The following TARS3 variants were observed in gnomAD, a reference collection of about 807,000 sequenced individuals.
TARS3 encodes threonyl-tRNA synthetase 3.
In TARS3, 94 loss-of-function variants were observed where a neutral mutation model predicts 103.5. That is an observed-to-expected ratio of 0.91 (90% CI 0.77 to 1.08). TARS3 has a LOEUF of 1.08. TARS3 is among the 50% of genes least tolerant of loss of function. The pLI is 0.00. For synonymous variants in TARS3, 416 were observed against 355.4 expected (o/e 1.17, Z -1.92); for missense variants, 952 against 995.2 (o/e 0.96, Z 0.58).
chr15:101,654,634 T>A lies in TARS3; in HGVS notation c.2357A>T (p.Lys786Ile), dbSNP rs776923629. ...GEILVTSAID[K>I]LKNLRKTRTL... is the part of the protein sequence containing the mutation. ...CCGTGTCTTCCTGAGATTCTTCAGT[T>A]TATCAATGGCAGAAGTTACTAAAAT... The change falls in exon 19 of 19, where the codon AAA becomes ATA. Residue 786 changes from lysine to isoleucine, a missense_variant. Physicochemically the swap from Lys to Ile is moderately radical, Grantham distance 102. This residue lies in a region of TARS3 where 540 missense variants were observed against 631.0 expected (regional missense o/e 0.86). Coordinates refer to ENST00000335968, the MANE Select transcript of TARS3 (RefSeq NM_152334.3). The A allele has an allele frequency of 1.1e-5, 18 of 1,614,066 alleles. 1 individual carries two copies. The Admixed American group carries it at 3.0e-4, about 27-fold the overall frequency.
chr15:101,691,644 C>G (rs898378584), intron 10 of TARS3, among the ~76,000 whole-genome samples: 1 of 152,094 alleles, frequency 6.6e-6, no homozygotes, highest in Non-Finnish European at 1.5e-5. Flanking sequence ...TGTTATAGGA[C>G]ACAAATAGTA....
chr15:101,702,275 CT>C lies in TARS3; in HGVS notation c.1184del (p.Glu395GlyfsTer23). ...TCCTGTGATCTCGGTTCTTTGCTTC[CT>C]CTTGGAACTTTTCCCAGTCTCTCAT... ...KMMRDWEKFQ[E>X]EAKNRDHRKI... On this transcript the variant is annotated frameshift_variant, in exon 9 of 19. Coordinates refer to ENST00000335968, the MANE Select transcript of TARS3 (RefSeq NM_152334.3). LOFTEE classifies it high-confidence loss of function. 6.2e-7 allele frequency: 1 copy of C among 1,614,090 alleles called. No homozygotes were observed. Among genetic ancestry groups the C allele is most frequent in the Non-Finnish European group, 8.5e-7 (1 of 1,180,014 alleles).
chr15:101,654,938 C>G (rs1346779147), intron 18 of TARS3, among the ~76,000 whole-genome samples: 1 of 152,242 alleles, frequency 6.6e-6, no homozygotes, highest in African/African-American at 2.4e-5. Context: ...CCTGAGAGAA[C>G]AGCTCTTGTG....
rs1419752866 is a variant in TARS3 at position 101,654,221 on chromosome 15, C to T, written c.*361G>A. On this transcript the variant is annotated 3_prime_UTR_variant, in exon 19 of 19. Transcript: ENST00000335968. ...CATATTAGAAAATAAGATTTTCCCT[C>T]CTATTTAAAAAAAACTCTGCAGACT... is the stretch of plus-strand genomic sequence containing the variant. The T allele has an allele frequency of 5.8e-6, 1 of 173,794 alleles. No homozygotes were observed. Among genetic ancestry groups the T allele is most frequent in the African/African-American group, 2.4e-5 (1 of 41,044 alleles). 10.8% of individuals were successfully genotyped at this position (173,794 alleles called of 1,614,324 possible).
chr15:101,701,002 C>T (rs182775407), intron 10 of TARS3, 84 bp downstream of exon 10: 21 of 899,486 alleles, frequency 2.3e-5, no homozygotes, highest in South Asian at 1.6e-4. Flanking sequence ...TTAATGGAAA[C>T]GCTTGACCAC....
At position 101,653,857 on chromosome 15, in the gene TARS3, T is replaced by A. The variant is rs1405752089; in HGVS notation, c.*725A>T. On this transcript the variant is annotated 3_prime_UTR_variant, in exon 19 of 19. Transcript: ENST00000335968. ...TTTCAGTACATAAATCCATGGAATG[T>A]CATCCCATCAAAAAAGTAACAACTC... 6.6e-6 allele frequency: 1 copy of A among 152,224 alleles called. No individual in the cohort carries two copies. Among genetic ancestry groups the A allele is most frequent in the Non-Finnish European group, 1.5e-5 (1 of 68,046 alleles). 9.4% of individuals were successfully genotyped at this position (152,224 alleles called of 1,614,324 possible).
intron 9 of TARS3, among the ~76,000 whole-genome samples, chr15:101,701,626 G>A (rs899191945): frequency 1.2e-4 from 19 of 152,190 alleles, no homozygotes; most frequent in Non-Finnish European, 7.3e-5. Flanking sequence ...ACAAGGACAC[G>A]GAGCTTGCCC....
At chr15:101,683,522 T>G (rs1245536615) in intron 12 of TARS3, among the ~76,000 whole-genome samples, 2 of 152,230 alleles carry the variant, frequency 1.3e-5, no homozygotes, top group Non-Finnish European at 2.9e-5. Flanking sequence ...CTGAGCTTTT[T>G]GTAGTTCATA....
rs538014390 is a variant in TARS3 at position 101,723,825 on chromosome 15, A to G, written c.297+266T>C. ...AACAAATGAAAACACTATTTCTGCT[A>G]CTGAAAAAGATGCGTGGCAGGCTCT... is the stretch of plus-strand genomic sequence containing the variant. On this transcript the variant is annotated intron_variant, in intron 1 of 18. Coordinates refer to ENST00000335968, the MANE Select transcript of TARS3 (RefSeq NM_152334.3). 2.6e-5 allele frequency among the ~76,000 whole-genome samples: 4 copies of G among 152,378 alleles called. No homozygotes were observed. In the East Asian group the frequency reaches 7.7e-4, roughly 29 times the overall value.
chr15:101,724,158 T>G lies in TARS3; in HGVS notation c.230A>C (p.Glu77Ala). 1 of 1,476,094 alleles carries G rather than the reference T, an allele frequency of 6.8e-7. No homozygotes were observed. The highest frequency in any genetic ancestry group is 9.0e-7 in the Non-Finnish European group (1 of 1,114,970). The allele number at this position is 1,476,094 out of a possible 1,614,324, so 91.4% of individuals were successfully genotyped here. The change falls in exon 1 of 19, where the codon GAG becomes GCG. Residue 77 changes from glutamate to alanine, a missense_variant. Glu to Ala is a moderately radical substitution (Grantham distance 107). Transcript: ENST00000335968. ...RLCSLRLCLAEERSRQATLES... is the reference protein window; with the variant it reads ...RLCSLRLCLAAERSRQATLES... ...CAGCGTGGCCTGGCGGCTCCGCTCCTCGGCGAGGCACAGCCGCAGGCTGCA... is the reference window on the plus strand; with the variant it reads ...CAGCGTGGCCTGGCGGCTCCGCTCCGCGGCGAGGCACAGCCGCAGGCTGCA...
Position 101,701,223 on chromosome 15 carries a change from C to G in TARS3, c.1222-39G>C, listed in dbSNP as rs768668572. The G allele has an allele frequency of 1.1e-5, 14 of 1,293,644 alleles. No individual in the cohort carries two copies. The East Asian group carries it at 3.0e-4, about 28-fold the overall frequency. 80.1% of individuals were successfully genotyped at this position (1,293,644 alleles called of 1,614,324 possible). ...AAAATTGCATTTCAAATGTCATCTG[C>G]TATTGCTTAATATTTACTGCACACA... On this transcript the variant is annotated intron_variant, in intron 9 of 18. Coordinates refer to ENST00000335968, the MANE Select transcript of TARS3 (RefSeq NM_152334.3).
chr15:101,707,576 T>A (rs1366240502), intron 6 of TARS3, among the ~76,000 whole-genome samples: 1 of 152,140 alleles, frequency 6.6e-6, no homozygotes, highest in African/African-American at 2.4e-5. Flanking sequence ...GACTTTTTGC[T>A]GAGTGAAACA....
At chr15:101,666,730 T>G (rs1159248614) in intron 15 of TARS3, among the ~76,000 whole-genome samples, 1 of 152,174 alleles carries the variant, frequency 6.6e-6, no homozygotes, top group African/African-American at 2.4e-5. Context: ...ATAAACTGTT[T>G]ATTCTCTTAT....
rs1462494611 is a variant in TARS3, at chr15:101,657,699, T to C, written c.2145+86A>G. On this transcript the variant is annotated intron_variant, in intron 17 of 18. Coordinates refer to ENST00000335968, the MANE Select transcript of TARS3 (RefSeq NM_152334.3). ...AGCTAATGTGTCAGTTCTGCAATAT[T>C]TTAAAGCATGAAGGACACTCCAAAT... The C allele has an allele frequency of 4.5e-6, 4 of 884,970 alleles. No homozygotes were observed. The African/African-American group carries it at 6.9e-5, about 15-fold the overall frequency. The allele number at this position is 884,970 out of a possible 1,614,324, so 54.8% of individuals were successfully genotyped here. A position where few individuals can be genotyped will look rare whatever the true frequency, so the allele number is the denominator to read the frequency against.
intron 2 of TARS3, 134 bp downstream of exon 2, chr15:101,722,959 G>A (rs1900563443): frequency 1.2e-6 from 1 of 826,586 alleles, no homozygotes; most frequent in Non-Finnish European, 1.9e-6. Context: ...GGCTTGAAAA[G>A]TTTTAAATAC....
chr15:101,713,379 T>C (rs1899960072), intron 4 of TARS3, among the ~76,000 whole-genome samples: 1 of 152,160 alleles, frequency 6.6e-6, no homozygotes, highest in Non-Finnish European at 1.5e-5. Flanking sequence ...CCAAATGCAA[T>C]GGGATGCATT....
chr15:101,669,873 C>A (rs1006814048), intron 15 of TARS3, among the ~76,000 whole-genome samples: 1 of 152,122 alleles, frequency 6.6e-6, no homozygotes, highest in African/African-American at 2.4e-5. Context: ...AGAAACAGAC[C>A]CACATATATA....
chr15:101,714,430 C>A (rs1455623160), intron 4 of TARS3, among the ~76,000 whole-genome samples: 2 of 151,416 alleles, frequency 1.3e-5, no homozygotes, highest in Non-Finnish European at 2.9e-5. Context: ...ATAGCAAAAC[C>A]CTGTCTCTAC....
chr15:101,667,822 G>A (rs1596287774), intron 15 of TARS3, among the ~76,000 whole-genome samples: 1 of 152,120 alleles, frequency 6.6e-6, no homozygotes, highest in South Asian at 2.1e-4. Flanking sequence ...TTGAACTCCT[G>A]ACCTCAGGTG....
Sources: gnomAD v4.1 joint callset for allele counts (sites outside exome capture counted in the v4.1 genomes callset) on GRCh38, gnomAD v4.1.1 for gene constraint, gnomAD v4.1.1 regional missense constraint, MANE v1.5 for transcripts, NCBI Gene and HGNC (gene_info 2026-07-23, HGNC 2026-07-21) for gene names.